Variants in RAPGEF1 observed in about 807,000 individuals in gnomAD.
RAPGEF1 encodes CRK SH3-binding GNRP.
RAPGEF1 carries 33 observed loss-of-function variants against 143.3 expected under a neutral mutation model. The observed-to-expected ratio is 0.23, with a 90% CI of 0.17 to 0.31. The LOEUF (loss-of-function observed/expected upper bound fraction) is 0.31, where lower values mean the gene tolerates loss of function less well. Ranked by LOEUF, RAPGEF1 falls within the 10% of genes least tolerant of loss-of-function variation. The pLI is 1.00. For synonymous variants in RAPGEF1, 629 were observed against 676.5 expected (o/e 0.93, Z 1.09); for missense variants, 1,199 against 1,645.4 (o/e 0.73, Z 4.69).
intron 1 of RAPGEF1, among the ~76,000 whole-genome samples, chr9:131,723,375 T>A (rs1836411458): frequency 6.6e-6 from 1 of 152,146 alleles, no homozygotes; most frequent in South Asian, 2.1e-4. Context: ...TGTGCCATCA[T>A]CACCAGCAGC....
Position 131,577,957 on chromosome 9 carries a change from G to C in RAPGEF1, c.*1540C>G, listed in dbSNP as rs534566863. ...CCCATGAAGGACTCAAAGTGACATGGTGGTTTAAAAAAAAACCTAAATGAT... is the reference window on the plus strand; with the variant it reads ...CCCATGAAGGACTCAAAGTGACATGCTGGTTTAAAAAAAAACCTAAATGAT... On this transcript the variant is annotated 3_prime_UTR_variant, in exon 27 of 27. Coordinates refer to ENST00000683357, the MANE Select transcript of RAPGEF1 (RefSeq NM_001377935.1). 1.3e-5 allele frequency: 2 copies of C among 152,284 alleles called. No individual in the cohort carries two copies. Among genetic ancestry groups the C allele is most frequent in the South Asian group, 2.1e-4 (1 of 4,824 alleles). 9.4% of individuals were successfully genotyped at this position (152,284 alleles called of 1,614,324 possible).
intron 26 of RAPGEF1, 94 bp from the exon 27 acceptor site, chr9:131,579,741 C>T (rs1951569713): frequency 2.9e-6 from 4 of 1,356,452 alleles, no homozygotes; most frequent in Non-Finnish European, 2.0e-6. Flanking sequence ...GGGGACCATC[C>T]CCACAGCCTC....
At chr9:131,643,450 G>C (rs1281697230) in intron 3 of RAPGEF1, 33 bp from the exon 4 acceptor site, 1 of 1,581,202 alleles carries the variant, frequency 6.3e-7, no homozygotes, top group Non-Finnish European at 8.6e-7. Flanking sequence ...AGGAGGAGGA[G>C]AGAGATTAAA....
In RAPGEF1 at chr9:131,717,520, A is replaced by G. The variant is rs141484818; in HGVS notation, c.61+22250T>C. ...GCCAGGCGCGGTGGCTCACACCTGT[A>G]ATCCTAGCACTCTGGGAGGCCAAGG... On this transcript the variant is annotated intron_variant, in intron 1 of 26. Coordinates refer to ENST00000683357, the MANE Select transcript of RAPGEF1 (RefSeq NM_001377935.1). Among the ~76,000 whole-genome samples the G allele has an allele frequency of 2.6e-5, 4 of 152,288 alleles. No homozygotes were observed. The East Asian group carries it at 7.7e-4, about 29-fold the overall frequency.
chr9:131,669,951 C>A (rs1564666706), intron 1 of RAPGEF1, among the ~76,000 whole-genome samples: 2 of 152,192 alleles, frequency 1.3e-5, no homozygotes, highest in South Asian at 4.1e-4. Flanking sequence ...GCAGCGATGA[C>A]AATGGCTACA....
intron 4 of RAPGEF1, among the ~76,000 whole-genome samples, chr9:131,640,245 C>T (rs1967506238): frequency 6.6e-6 from 1 of 152,226 alleles, no homozygotes; most frequent in Admixed American, 6.5e-5. Flanking sequence ...TGCTTCCTGG[C>T]AAGGCCAGGT....
intron 22 of RAPGEF1, among the ~76,000 whole-genome samples, chr9:131,586,214 G>GCGCA (rs1952712598): frequency 8.0e-6 from 1 of 124,622 alleles, no homozygotes; most frequent in African/African-American, 3.1e-5. Context: ...ACACACGCAC[G>GCGCA]CACACACACA....
intron 1 of RAPGEF1, among the ~76,000 whole-genome samples, chr9:131,722,540 C>T (rs1267481753): frequency 6.6e-6 from 1 of 152,208 alleles, no homozygotes. Context: ...AGCTATATCA[C>T]CACCAGGGGC....
chr9:131,728,032 A>G (rs1292203157), intron 1 of RAPGEF1, among the ~76,000 whole-genome samples: 1 of 152,218 alleles, frequency 6.6e-6, no homozygotes, highest in Admixed American at 6.5e-5. Flanking sequence ...CTCTGCAAAT[A>G]GCACTGTGCT....
chr9:131,691,313 A>T (rs1173601951), intron 1 of RAPGEF1, among the ~76,000 whole-genome samples: 1 of 152,154 alleles, frequency 6.6e-6, no homozygotes, highest in African/African-American at 2.4e-5. Context: ...GAGGTTTCTC[A>T]GTTGGGCCCC....
rs974003781 is a variant in RAPGEF1 at position 131,699,218 on chromosome 9, ACAC to A, written c.61+40549_61+40551del. ...CCTCTGCTCATTCTTTGACACTTTC[ACAC>A]CCAACACTCCACTGACACTTTTTTT... On this transcript the variant is annotated intron_variant, in intron 1 of 26. Coordinates refer to ENST00000683357, the MANE Select transcript of RAPGEF1 (RefSeq NM_001377935.1). 4.2e-5 allele frequency among the ~76,000 whole-genome samples: 6 copies of A among 141,688 alleles called. No individual in the cohort carries two copies. In the Admixed American group the frequency reaches 4.2e-4, roughly 10 times the overall value. The allele number at this position is 141,688 out of a possible 152,430, so 93.0% of individuals were successfully genotyped here.
chr9:131,609,837 T>C (rs955229041), intron 12 of RAPGEF1, among the ~76,000 whole-genome samples: 2 of 152,166 alleles, frequency 1.3e-5, no homozygotes, highest in African/African-American at 4.8e-5. Flanking sequence ...AGTCCTGGCA[T>C]GGAAAAAGGA....
At chr9:131,615,288 A>T (rs914963150) in intron 12 of RAPGEF1, among the ~76,000 whole-genome samples, 4 of 152,098 alleles carry the variant, frequency 2.6e-5, no homozygotes, top group African/African-American at 9.7e-5. Flanking sequence ...CTTAGCCGGG[A>T]TGGTCTTGAT....
Position 131,650,719 on chromosome 9 carries a change from G to A in RAPGEF1, c.201+91C>T. 13 of 1,522,556 alleles carry A rather than the reference G, an allele frequency of 8.5e-6. No homozygotes were observed. The highest frequency in any genetic ancestry group is 9.8e-6 in the Non-Finnish European group (11 of 1,124,964). 94.3% of individuals were successfully genotyped at this position (1,522,556 alleles called of 1,614,324 possible). On this transcript the variant is annotated intron_variant, in intron 2 of 26. Coordinates refer to ENST00000683357, the MANE Select transcript of RAPGEF1 (RefSeq NM_001377935.1). This position sits in a 1 kb window ranked among gnomAD's most constrained non-coding sequence, Gnocchi z 4.7. ...ACGAAGTAGGTATGATGCACTGAAA[G>A]CTCAATCCCCAGGGAGGGAACATAC...
chr9:131,712,717 T>A (rs1835595186), intron 1 of RAPGEF1, among the ~76,000 whole-genome samples: 1 of 152,166 alleles, frequency 6.6e-6, no homozygotes, highest in Non-Finnish European at 1.5e-5. Context: ...GCATCCTAGG[T>A]TCCAAACAAC....
chr9:131,585,125 A>G (rs1316179574), intron 22 of RAPGEF1, among the ~76,000 whole-genome samples: 1 of 152,078 alleles, frequency 6.6e-6, no homozygotes, highest in Non-Finnish European at 1.5e-5. Context: ...CCTGGCCTCA[A>G]TTTCCTGTGG....
At chr9:131,595,954 G>A (rs946718020) in intron 17 of RAPGEF1, among the ~76,000 whole-genome samples, 4 of 152,200 alleles carry the variant, frequency 2.6e-5, no homozygotes, top group African/African-American at 9.7e-5. Flanking sequence ...GGAATCAAAA[G>A]GTACCTGCAT....
chr9:131,598,288 G>A lies in RAPGEF1; in HGVS notation c.2524C>T (p.Leu842=). The A allele has an allele frequency of 6.2e-7, 1 of 1,614,002 alleles. No individual in the cohort carries two copies. The highest frequency in any genetic ancestry group is 1.7e-5 in the Admixed American group (1 of 60,022). The change falls in exon 16 of 27, where the codon CTG becomes TTG. Residue 842 remains leucine, a synonymous_variant. Coordinates refer to ENST00000683357, the MANE Select transcript of RAPGEF1 (RefSeq NM_001377935.1). The part of the protein sequence containing the change: ...SERAPKSPDA[L]ESAQSEEEVD... The stretch of plus-strand genomic sequence containing the variant: ...TCCTCCTCCGACTGAGCCGACTCCA[G>A]AGCATCTGGTGACTTTGGGGCCCTG...
At chr9:131,642,331 T>C (rs1226107163) in intron 4 of RAPGEF1, among the ~76,000 whole-genome samples, 1 of 152,228 alleles carries the variant, frequency 6.6e-6, no homozygotes, top group Non-Finnish European at 1.5e-5. Context: ...AGCTTTCTCA[T>C]ACCAGAAGCA....
Sources: allele counts gnomAD v4.1 joint callset (sites outside exome capture counted in the v4.1 genomes callset), GRCh38; gene constraint gnomAD v4.1.1; non-coding constraint Gnocchi (gnomAD v3.1); transcripts MANE v1.5; gene names NCBI Gene and HGNC (gene_info 2026-07-23, HGNC 2026-07-21).